Variants in FOXN3 observed in about 807,000 individuals in gnomAD.
FOXN3 encodes the protein forkhead box protein N3.
Under a neutral mutation model 38.4 loss-of-function variants are expected in FOXN3, and 7 were observed. That is an observed-to-expected ratio of 0.18 (90% confidence interval 0.10 to 0.34). The LOEUF (loss-of-function observed/expected upper bound fraction) is 0.34. Among genes scored for constraint, FOXN3 ranks in the 10% least tolerant of loss-of-function variants. The pLI is 1.00. For synonymous variants in FOXN3, 230 were observed against 242.2 expected, an observed-to-expected ratio of 0.95 and a Z score of 0.47; for missense variants, 456 against 613.4, an observed-to-expected ratio of 0.74 and a Z score of 2.71.
intron 2 of FOXN3, among the ~76,000 whole-genome samples, chr14:89,402,881 T>TCACA (rs1221617888): frequency 3.3e-5 from 5 of 152,246 alleles, no homozygotes; most frequent in Non-Finnish European, 7.3e-5. Flanking sequence ...CAATAAACAC[T>TCACA]CAAGCCTCCT....
chr14:89,462,060 A>T (rs1892859978), intron 1 of FOXN3, among the ~76,000 whole-genome samples: 2 of 152,250 alleles, frequency 1.3e-5, no homozygotes, highest in Admixed American at 1.3e-4. Context: ...AGCTCTGAAT[A>T]CTTGCTGGCT....
intron 1 of FOXN3, among the ~76,000 whole-genome samples, chr14:89,550,446 C>A (rs1042113797): frequency 6.6e-6 from 1 of 152,210 alleles, no homozygotes; most frequent in Non-Finnish European, 1.5e-5. Context: ...ACTGAAAAAT[C>A]TTCCACTCAT....
intron 2 of FOXN3, among the ~76,000 whole-genome samples, chr14:89,374,565 T>A (rs1010459455): frequency 3.3e-5 from 5 of 152,148 alleles, no homozygotes; most frequent in Admixed American, 2.0e-4. Flanking sequence ...TTATGGTATG[T>A]TCATAAAATG....
intron 1 of FOXN3, among the ~76,000 whole-genome samples, chr14:89,427,679 C>A (rs1892069791): frequency 6.6e-6 from 1 of 151,942 alleles, no homozygotes; most frequent in African/African-American, 2.4e-5. Context: ...ACTTCTATGT[C>A]ATAATCAACA....
chr14:89,378,887 A>G lies in FOXN3; in HGVS notation c.544-28079T>C, dbSNP rs561350203. Among the ~76,000 whole-genome samples the G allele has an allele frequency of 3.9e-5, 6 of 152,164 alleles. No individual in the cohort carries two copies. The South Asian group carries it at 1.2e-3, about 32-fold the overall frequency. On this transcript the variant is annotated intron_variant, in intron 2 of 5. Coordinates refer to ENST00000557258, the MANE Select transcript of FOXN3 (RefSeq NM_005197.4). ...ACGTCCAGCTAATTTTTGTATTTTT[A>G]GTAGAGACAGGGTTTCACCATGTTG...
intron 1 of FOXN3, among the ~76,000 whole-genome samples, chr14:89,533,687 AAAAAAGTT>A (rs1894624713): frequency 7.1e-6 from 1 of 140,924 alleles, no homozygotes; most frequent in Admixed American, 7.2e-5. Context: ...AAAAAAAAAA[AAAAAAGTT>A]AGTGAGTTAT....
At chr14:89,247,436 C>G (rs1885330981) in intron 4 of FOXN3, among the ~76,000 whole-genome samples, 1 of 152,198 alleles carries the variant, frequency 6.6e-6, no homozygotes, top group Admixed American at 6.5e-5. Context: ...AGATTTTAAA[C>G]TTAACCTTAC....
intron 1 of FOXN3, among the ~76,000 whole-genome samples, chr14:89,585,603 C>T (rs547294484): frequency 6.6e-6 from 1 of 152,190 alleles, no homozygotes; most frequent in East Asian, 1.9e-4. Flanking sequence ...AAAAAGCTCC[C>T]TGCCCTGGCA....
chr14:89,610,928 T>C (rs76993026), intron 1 of FOXN3, among the ~76,000 whole-genome samples: 4,677 of 152,336 alleles, frequency 0.031, 84 homozygotes, highest in African/African-American at 0.057. Context: ...CTGTGAAATA[T>C]TAATTAGTTC....
At chr14:89,488,376 T>G (rs1031051708) in intron 1 of FOXN3, among the ~76,000 whole-genome samples, 10 of 151,742 alleles carry the variant, frequency 6.6e-5, no homozygotes, top group Admixed American at 6.6e-4. Flanking sequence ...CCAGGCATGG[T>G]GACTCATGCC....
chr14:89,464,233 CTTCT>C (rs1892923033), intron 1 of FOXN3, among the ~76,000 whole-genome samples: 2 of 152,124 alleles, frequency 1.3e-5, no homozygotes, highest in African/African-American at 4.8e-5. Flanking sequence ...ATTCCTCTAC[CTTCT>C]TTCTGTTTCC....
At chr14:89,324,497 T>G (rs1269898639) in intron 3 of FOXN3, among the ~76,000 whole-genome samples, 2 of 151,428 alleles carry the variant, frequency 1.3e-5, no homozygotes, top group African/African-American at 4.9e-5. Flanking sequence ...TGTACCCACA[T>G]CTTTACTAGC....
intron 5 of FOXN3, among the ~76,000 whole-genome samples, chr14:89,177,938 C>A (rs556960458): frequency 3.3e-5 from 5 of 152,298 alleles, no homozygotes; most frequent in African/African-American, 1.2e-4. Flanking sequence ...CTCCATGATA[C>A]CCTGAGTCAT....
intron 1 of FOXN3, among the ~76,000 whole-genome samples, chr14:89,467,828 T>TTTG (rs1555355567): frequency 3.1e-4 from 39 of 125,256 alleles, no homozygotes; most frequent in Non-Finnish European, 4.5e-4. Flanking sequence ...TTTTTTTTTT[T>TTTG]GGGTAGAGAT....
At chr14:89,254,040 C>T (rs776874449) in intron 4 of FOXN3, among the ~76,000 whole-genome samples, 28 of 152,280 alleles carry the variant, frequency 1.8e-4, no homozygotes, top group East Asian at 1.3e-3. Flanking sequence ...AGTCTTGGAA[C>T]GGGCTGCCTG....
At chr14:89,356,560 CTG>C (rs1471213990) in intron 2 of FOXN3, 3 of 152,126 alleles carry the variant, frequency 2.0e-5, no homozygotes, top group Non-Finnish European at 2.9e-5. Context: ...AAGACAAAAA[CTG>C]AAAACGAAAT....
At chr14:89,377,056 C>CAAAAAAAAAA (rs1555422580) in intron 2 of FOXN3, among the ~76,000 whole-genome samples, 1 of 52,434 alleles carries the variant, frequency 1.9e-5, no homozygotes, top group African/African-American at 6.5e-5. Flanking sequence ...AAAAAAAAAG[C>CAAAAAAAAAA]TTGAGCCTAC....
At chr14:89,211,033 T>G (rs983307306) in intron 4 of FOXN3, among the ~76,000 whole-genome samples, 1 of 152,174 alleles carries the variant, frequency 6.6e-6, no homozygotes, top group South Asian at 2.1e-4. Flanking sequence ...AACAAAGCCA[T>G]AGTGGATTTA....
chr14:89,300,800 T>C (rs1228774533), intron 3 of FOXN3, among the ~76,000 whole-genome samples: 2 of 152,124 alleles, frequency 1.3e-5, no homozygotes, highest in South Asian at 4.1e-4. Flanking sequence ...TGTTCATTTG[T>C]TTATTTATTT....
Sources: allele counts gnomAD v4.1 joint callset (sites outside exome capture counted in the v4.1 genomes callset), GRCh38; gene constraint gnomAD v4.1.1; transcripts MANE v1.5; gene names NCBI Gene and HGNC (gene_info 2026-07-23, HGNC 2026-07-21).